Variants in RNF220 observed in about 807,000 individuals in gnomAD.
RNF220 encodes the protein ring finger protein 220.
Under a neutral mutation model 67.1 loss-of-function variants are expected in RNF220, and 7 were observed. The observed-to-expected ratio is 0.10, with a 90% confidence interval of 0.06 to 0.20. RNF220 has a LOEUF of 0.20. RNF220 is among the 10% of genes least tolerant of loss of function. The pLI is 1.00. For missense variants in RNF220, 565 were observed against 740.3 expected (o/e 0.76, Z 2.75); for synonymous variants, 270 against 283.2 (o/e 0.95, Z 0.47).
At chr1:44,566,529 C>T (rs757070180) in intron 2 of RNF220, among the ~76,000 whole-genome samples, 9 of 131,204 alleles carry the variant, frequency 6.9e-5, no homozygotes, top group African/African-American at 1.5e-4. Context: ...AAGGCTGCCT[C>T]GGGCTAGCTG....
chr1:44,435,100 G>C (rs1342540453), intron 2 of RNF220, among the ~76,000 whole-genome samples: 2 of 150,848 alleles, frequency 1.3e-5, no homozygotes, highest in Admixed American at 6.6e-5. Flanking sequence ...TTTTCCCATA[G>C]TAGGTACTCA....
Position 44,626,299 on chromosome 1 carries a change from C to G in RNF220, c.807C>G (p.Ser269=), listed in dbSNP as rs1237059306. The G allele has an allele frequency of 6.8e-6, 11 of 1,613,426 alleles. No individual in the cohort carries two copies. The highest frequency in any genetic ancestry group is 7.6e-6 in the Non-Finnish European group (9 of 1,179,484). ...KDAMAPGTPK[S]LLLSASIKRE... Reference sequence around the variant, plus strand: ...ACATGTCTTTTTTCTTCTTCCAGTCCCTCCTGTTGTCTGCTTCCATCAAGA... The same window carrying G: ...ACATGTCTTTTTTCTTCTTCCAGTCGCTCCTGTTGTCTGCTTCCATCAAGA... Residue 269 remains serine, a splice_region_variant and synonymous_variant, in exon 5 of 15, where the codon TCC becomes TCG. Coordinates refer to ENST00000361799, the MANE Select transcript of RNF220 (RefSeq NM_018150.4).
intron 2 of RNF220, among the ~76,000 whole-genome samples, chr1:44,583,215 G>GATATATATATATATATATAT (rs35343175): frequency 1.1e-3 from 160 of 149,008 alleles, no homozygotes; most frequent in African/African-American, 3.7e-3. Flanking sequence ...TCCAGAAGCA[G>GATATATATATATATATATAT]ATATATATAT....
At chr1:44,496,143 C>T (rs896896109) in intron 2 of RNF220, among the ~76,000 whole-genome samples, 3 of 152,102 alleles carry the variant, frequency 2.0e-5, no homozygotes, top group African/African-American at 7.2e-5. Context: ...TGAGGGATAG[C>T]CCAGGTGATG....
intron 2 of RNF220, among the ~76,000 whole-genome samples, chr1:44,515,328 G>A (rs558726601): frequency 1.3e-5 from 2 of 152,152 alleles, no homozygotes; most frequent in Non-Finnish European, 2.9e-5. Context: ...GATTAACTGA[G>A]GTCAACACAA....
At chr1:44,615,221 A>C (rs1387757233) in intron 3 of RNF220, among the ~76,000 whole-genome samples, 2 of 152,156 alleles carry the variant, frequency 1.3e-5, no homozygotes, top group Admixed American at 1.3e-4. Flanking sequence ...CCAAAAGCAA[A>C]TGTTCCAGCC....
Position 44,405,493 on chromosome 1 carries a change from A to C in RNF220, c.-155A>C. On this transcript the variant is annotated 5_prime_UTR_variant, in exon 1 of 15. It removes the in-frame stop codon of an upstream open reading frame in the 5' UTR. Transcript: ENST00000361799. ...TCCGCCTGCTTCCCTCCGTGTCCTG[A>C]AAAGTGCGACCGTTCTCCCAAGGAA... 1 of 489,156 alleles carries C rather than the reference A, an allele frequency of 2.0e-6. No homozygotes were observed. The highest frequency in any genetic ancestry group is 2.7e-5 in the South Asian group (1 of 36,978). The allele number at this position is 489,156 out of a possible 1,614,324, so 30.3% of individuals were successfully genotyped here. A position where few individuals can be genotyped will look rare whatever the true frequency, so the allele number is the denominator to read the frequency against.
At chr1:44,610,819 C>T (rs1460126741) in intron 2 of RNF220, among the ~76,000 whole-genome samples, 1 of 152,186 alleles carries the variant, frequency 6.6e-6, no homozygotes, top group Non-Finnish European at 1.5e-5. Context: ...AGGATGCTTC[C>T]TCCCAAGCCT....
chr1:44,527,612 A>G lies in RNF220; in HGVS notation c.626-86553A>G, dbSNP rs540033581. 2.6e-5 allele frequency among the ~76,000 whole-genome samples: 4 copies of G among 152,138 alleles called. No individual in the cohort carries two copies. In the South Asian group the frequency reaches 8.3e-4, roughly 32 times the overall value. Reference sequence around the variant, plus strand: ...GTCTTATTTTTTTTTTAAGTAATGCATTAAATAGATGAATTAAAAATTTAA... The same window carrying G: ...GTCTTATTTTTTTTTTAAGTAATGCGTTAAATAGATGAATTAAAAATTTAA... On this transcript the variant is annotated intron_variant, in intron 2 of 14. Transcript: ENST00000361799.
At chr1:44,405,582 G>A in intron 1 of RNF220, 52 bp downstream of exon 1, 1 of 323,554 alleles carries the variant, frequency 3.1e-6, no homozygotes, top group Non-Finnish European at 5.6e-6. Context: ...AAGAGGGGTG[G>A]GTGCGAGGGC....
At chr1:44,543,329 G>A (rs895744972) in intron 2 of RNF220, among the ~76,000 whole-genome samples, 2 of 152,182 alleles carry the variant, frequency 1.3e-5, no homozygotes, top group African/African-American at 4.8e-5. Context: ...GGGCTGGGGG[G>A]AGGGGAGGGG....
intron 2 of RNF220, among the ~76,000 whole-genome samples, chr1:44,423,535 C>A (rs72893853): frequency 0.018 from 2,721 of 152,222 alleles, 95 homozygotes; most frequent in African/African-American, 0.063. Context: ...GCTATCTTAA[C>A]CACCAGAGGA....
chr1:44,480,066 T>C (rs1320264703), intron 2 of RNF220, among the ~76,000 whole-genome samples: 1 of 152,282 alleles, frequency 6.6e-6, no homozygotes, highest in South Asian at 2.1e-4. Flanking sequence ...ATGTCACATA[T>C]CTTTGTGTTT....
At chr1:44,615,447 T>C (rs1020131788) in intron 3 of RNF220, among the ~76,000 whole-genome samples, 8 of 152,148 alleles carry the variant, frequency 5.3e-5, no homozygotes, top group Non-Finnish European at 1.2e-4. Flanking sequence ...GAAAATATAA[T>C]CTGCTACTGA....
At chr1:44,576,879 A>C (rs930198938) in intron 2 of RNF220, among the ~76,000 whole-genome samples, 2 of 151,916 alleles carry the variant, frequency 1.3e-5, no homozygotes, top group Non-Finnish European at 2.9e-5. Flanking sequence ...CTCTCTTCTC[A>C]CCTCAGCTCA....
At chr1:44,574,865 T>G (rs1445968946) in intron 2 of RNF220, among the ~76,000 whole-genome samples, 1 of 64,376 alleles carries the variant, frequency 1.6e-5, no homozygotes, top group Non-Finnish European at 4.8e-5. Context: ...GCATTTGTGT[T>G]TTTTTTTTAT....
At chr1:44,439,586 C>T (rs1278487485) in intron 2 of RNF220, among the ~76,000 whole-genome samples, 1 of 151,950 alleles carries the variant, frequency 6.6e-6, no homozygotes, top group Non-Finnish European at 1.5e-5. Flanking sequence ...AGCAGGGCTA[C>T]CCCATAGGCA....
chr1:44,404,884 G>C (rs1647217967), upstream of RNF220, among the ~76,000 whole-genome samples: 1 of 152,172 alleles, frequency 6.6e-6, no homozygotes, highest in Non-Finnish European at 1.5e-5. Flanking sequence ...TTAAGCAGCA[G>C]TGGATGTCAG....
intron 12 of RNF220, among the ~76,000 whole-genome samples, chr1:44,647,814 C>G (rs955576128): frequency 6.6e-6 from 1 of 152,178 alleles, no homozygotes; most frequent in Non-Finnish European, 1.5e-5. Flanking sequence ...ACAGGTGCCC[C>G]CAGGAGACTG....
Sources: gnomAD v4.1 joint callset for allele counts (sites outside exome capture counted in the v4.1 genomes callset) on GRCh38, gnomAD v4.1.1 for gene constraint, MANE v1.5 for transcripts, NCBI Gene and HGNC (gene_info 2026-07-23, HGNC 2026-07-21) for gene names.